Variants in SMARCA4 observed in about 807,000 individuals in gnomAD.
SMARCA4 encodes SWI/SNF-related matrix-associated actin-dependent regulator of chromatin subfamily A member 4.
Under a neutral mutation model 193.9 loss-of-function variants are expected in SMARCA4, and 31 were observed. That is an observed-to-expected ratio of 0.16 (90% CI 0.12 to 0.22). SMARCA4 has a LOEUF of 0.22. Ranked by LOEUF, SMARCA4 falls within the 10% of genes least tolerant of loss-of-function variation. SMARCA4 has a pLI of 1.00. For synonymous variants in SMARCA4, 942 were observed against 933.1 expected (o/e 1.01, Z -0.17); for missense variants, 1,148 against 2,296.0 (o/e 0.50, Z 10.22).
intron 18 of SMARCA4, 150 bp from the exon 19 acceptor site, chr19:11,021,575 C>G (rs867927886): frequency 1.0e-6 from 1 of 989,888 alleles, no homozygotes; most frequent in South Asian, 1.4e-5. Context: ...TGAGTCAGCC[C>G]CGGGGCAGGA....
At chr19:11,003,431 A>C in intron 13 of SMARCA4, 34 bp downstream of exon 13, 2 of 1,581,584 alleles carry the variant, frequency 1.3e-6, no homozygotes, top group Non-Finnish European at 1.7e-6. Flanking sequence ...CAAGGCTCTC[A>C]GTGCCCACTG....
At chr19:11,051,639 C>T (rs1022159910) in intron 30 of SMARCA4, among the ~76,000 whole-genome samples, 2 of 151,922 alleles carry the variant, frequency 1.3e-5, no homozygotes, top group Non-Finnish European at 2.9e-5. Context: ...TACAGGCATG[C>T]ACCACCACGC....
Position 11,031,080 on chromosome 19 carries a change from C to G in SMARCA4, c.3546+187C>G. ...AAAAGAGGCGGGGTCCTCCTGTTTC[C>G]CAAAATACAAACAGCCTTTCCCTCT... On this transcript the variant is annotated intron_variant, in intron 25 of 34. Coordinates refer to ENST00000344626, the MANE Select transcript of SMARCA4 (RefSeq NM_003072.5). The surrounding 1 kb of genome is among the most constrained non-coding windows in gnomAD (Gnocchi z 4.3). 1.5e-6 allele frequency: 1 copy of G among 651,020 alleles called. No individual in the cohort carries two copies. Among genetic ancestry groups the G allele is most frequent in the Non-Finnish European group, 2.8e-6 (1 of 360,782 alleles). 40.3% of individuals were successfully genotyped at this position (651,020 alleles called of 1,614,324 possible).
At position 10,986,924 on chromosome 19, in the gene SMARCA4, G is replaced by C. The variant is rs753962571; in HGVS notation, c.780G>C (p.Met260Ile). ...SRPHGMGGPN[M>I]PPPGPSGVPP... is the part of the protein sequence containing the mutation. ...ATGTAGGTATGGGAGGGCCCAACATGCCTCCCCCAGGACCCTCGGGCGTGC... is the reference window on the plus strand; with the variant it reads ...ATGTAGGTATGGGAGGGCCCAACATCCCTCCCCCAGGACCCTCGGGCGTGC... Residue 260 changes from methionine to isoleucine, a missense_variant, in exon 5 of 35, where the codon ATG becomes ATC. By Grantham distance (10) the Met-to-Ile change is conservative. Around this residue, in one of 17 missense-constraint regions of SMARCA4, gnomAD observed 257 missense variants for 276.5 expected, o/e 0.93. Transcript: ENST00000344626. The surrounding 1 kb of genome is among the most constrained non-coding windows in gnomAD (Gnocchi z 6.7). The C allele has an allele frequency of 2.5e-6, 4 of 1,612,442 alleles. No homozygotes were observed. Among genetic ancestry groups the C allele is most frequent in the Non-Finnish European group, 3.4e-6 (4 of 1,179,634 alleles).
chr19:11,006,986 C>T (rs1485967196), intron 13 of SMARCA4, among the ~76,000 whole-genome samples: 4 of 152,016 alleles, frequency 2.6e-5, no homozygotes, highest in Non-Finnish European at 4.4e-5. Context: ...ACTCGAGAGG[C>T]TGAGGTGGGA....
chr19:11,050,703 G>T (rs2076209965), intron 30 of SMARCA4, among the ~76,000 whole-genome samples: 1 of 152,246 alleles, frequency 6.6e-6, no homozygotes, highest in Non-Finnish European at 1.5e-5. Context: ...TTGTCTGAAT[G>T]TTTCAGACCT....
intron 33 of SMARCA4, 49 bp downstream of exon 33, chr19:11,059,934 G>GC: frequency 5.0e-6 from 8 of 1,613,404 alleles, no homozygotes; most frequent in Non-Finnish European, 6.8e-6. Flanking sequence ...TGGCCCGAGA[G>GC]CCCCCAAGGC....
rs770464856 is a variant in SMARCA4, at chr19:10,987,702, C to T, written c.896C>T (p.Pro299Leu). ...AATGCTGCTGCCCCCACGAGCACCC[C>T]TCAGAAGCTGATTCCCCCGCAGCCA... is the stretch of plus-strand genomic sequence containing the variant. ...MANAAAPTST[P>L]QKLIPPQPTG... The change falls in exon 6 of 35, where the codon CCT (proline) becomes CTT (leucine). Residue 299 changes from proline to leucine, a missense_variant. This residue lies in a region of SMARCA4 where 257 missense variants were observed against 276.5 expected (regional missense o/e 0.93). Coordinates refer to ENST00000344626, the MANE Select transcript of SMARCA4 (RefSeq NM_003072.5). The surrounding 1 kb of genome is among the most constrained non-coding windows in gnomAD (Gnocchi z 5.3). The T allele has an allele frequency of 1.2e-6, 2 of 1,612,408 alleles. No individual in the cohort carries two copies. The highest frequency in any genetic ancestry group is 1.7e-6 in the Non-Finnish European group (2 of 1,179,366).
At chr19:11,040,453 G>C (rs1163506427) in intron 29 of SMARCA4, 1 of 151,360 alleles carries the variant, frequency 6.6e-6, no homozygotes, top group East Asian at 1.9e-4. Context: ...TTAGCTAGGC[G>C]TGGTGGTTTG....
chr19:10,969,062 T>C (rs555257447), intron 1 of SMARCA4, among the ~76,000 whole-genome samples: 3 of 152,180 alleles, frequency 2.0e-5, no homozygotes, highest in African/African-American at 7.2e-5. Flanking sequence ...GGCCCTGGAG[T>C]CAAAGAGACT....
rs1440031141 is a variant in SMARCA4 at position 10,986,609 on chromosome 19, C to G, written c.760+16C>G. The G allele has an allele frequency of 7.2e-6, 11 of 1,535,522 alleles. No individual in the cohort carries two copies. The highest frequency in any genetic ancestry group is 2.0e-5 in the Admixed American group (1 of 50,978). On this transcript the variant is annotated intron_variant, in intron 4 of 34. Coordinates refer to ENST00000344626, the MANE Select transcript of SMARCA4 (RefSeq NM_003072.5). This position sits in a 1 kb window ranked among gnomAD's most constrained non-coding sequence, Gnocchi z 6.7. The stretch of plus-strand genomic sequence containing the variant: ...AGGCCTCATGGTAAGACTGGCTGCC[C>G]TGGCCCTCAGGTGTCTCAGAGCGAA...
At chr19:11,022,271 G>A (rs546630291) in intron 19 of SMARCA4, among the ~76,000 whole-genome samples, 8 of 152,354 alleles carry the variant, frequency 5.3e-5, no homozygotes, top group South Asian at 4.1e-4. Flanking sequence ...GACCGCAAGC[G>A]TGTGGAGAGC....
chr19:10,967,107 C>G (rs139443678), intron 1 of SMARCA4, among the ~76,000 whole-genome samples: 108 of 152,180 alleles, frequency 7.1e-4, no homozygotes, highest in African/African-American at 2.6e-3. Context: ...ATCCTAAGGA[C>G]ATTAATCATT....
At chr19:10,988,594 C>G (rs902901605) in intron 6 of SMARCA4, among the ~76,000 whole-genome samples, 3 of 152,200 alleles carry the variant, frequency 2.0e-5, no homozygotes, top group African/African-American at 7.2e-5. Context: ...GCCCCAGGAC[C>G]TTTGCACAGG....
At position 11,049,979 on chromosome 19, in the gene SMARCA4, G is replaced by A. The variant is rs149105340; in HGVS notation, c.4425-8276G>A. ...TAGCCAGGCATGGTGGCACTCGCCT[G>A]TAATCCCAGCTACTTGGGAGGCTGA... On this transcript the variant is annotated intron_variant, in intron 30 of 34. Coordinates refer to ENST00000344626, the MANE Select transcript of SMARCA4 (RefSeq NM_003072.5). Among the ~76,000 whole-genome samples the A allele has an allele frequency of 4.8e-3, 737 of 152,296 alleles. 4 individuals carry two copies. Among genetic ancestry groups the A allele is most frequent in the African/African-American group, 0.016 (681 of 41,570 alleles).
Position 10,969,772 on chromosome 19 carries a change from G to T in SMARCA4, c.-32+8598G>T, listed in dbSNP as rs982410115. 3.3e-5 allele frequency among the ~76,000 whole-genome samples: 5 copies of T among 152,100 alleles called. No individual in the cohort carries two copies. The South Asian group carries it at 8.3e-4, about 25-fold the overall frequency. On this transcript the variant is annotated intron_variant, in intron 1 of 34. Coordinates refer to ENST00000344626, the MANE Select transcript of SMARCA4 (RefSeq NM_003072.5). ...ACAGCACGTCCCAGCCGAGACCCTG[G>T]TGTTCACCCTTGCCTCATCTCTTGC...
At position 11,047,483 on chromosome 19, in the gene SMARCA4, A is replaced by C. The variant is rs1358398298; in HGVS notation, c.4424+5923A>C. 5 of 150,084 alleles carry C rather than the reference A, an allele frequency of 3.3e-5. 1 individual carries two copies. The highest frequency in any genetic ancestry group is 4.2e-4 in the South Asian group (2 of 4,750). The allele number at this position is 150,084 out of a possible 1,614,324, so 9.3% of individuals were successfully genotyped here. On this transcript the variant is annotated intron_variant, in intron 30 of 34. Transcript: ENST00000344626. ...GAGTGCAGTGGCACTATCTTGGCTC[A>C]CTGTAACCTCTGCCTCCTGGGTTGA...
At chr19:11,009,156 G>C (rs1371777882) in intron 14 of SMARCA4, among the ~76,000 whole-genome samples, 1 of 150,928 alleles carries the variant, frequency 6.6e-6, no homozygotes, top group African/African-American at 2.4e-5. Context: ...TGAGTAGCTG[G>C]CACAACAGGC....
intron 30 of SMARCA4, among the ~76,000 whole-genome samples, chr19:11,054,086 G>A (rs928973135): frequency 1.1e-4 from 17 of 152,314 alleles, no homozygotes; most frequent in Admixed American, 7.8e-4. Context: ...CGTGTTTAGG[G>A]CCACATTGTA....
Sources: gnomAD v4.1 joint callset for allele counts (sites outside exome capture counted in the v4.1 genomes callset) on GRCh38, gnomAD v4.1.1 for gene constraint, gnomAD v4.1.1 regional missense constraint, Gnocchi (gnomAD v3.1) non-coding constraint, MANE v1.5 for transcripts, NCBI Gene and HGNC (gene_info 2026-07-23, HGNC 2026-07-21) for gene names.